FAAH: variants seen among roughly 807,000 people sequenced by gnomAD.
FAAH encodes fatty acid amide hydrolase, also known as fatty-acid amide hydrolase 1.
FAAH carries 63 observed loss-of-function variants against 69.7 expected under a neutral mutation model. That is an observed-to-expected ratio of 0.90 (90% CI 0.74 to 1.12). FAAH has a LOEUF of 1.12. Ranked by LOEUF, FAAH falls within the 50% of genes most tolerant of loss-of-function variation. The pLI is 0.00. For synonymous variants in FAAH, 305 were observed against 324.2 expected, an observed-to-expected ratio of 0.94 and a Z score of 0.64; for missense variants, 680 against 755.0, an observed-to-expected ratio of 0.90 and a Z score of 1.16.
At position 46,394,361 on chromosome 1, in the gene FAAH, G is replaced by A. The variant is rs753141851; in HGVS notation, c.13G>A (p.Glu5Lys). MVQY[E>K]LWAALPGASG... ...GGCTGAAGGGATCATGGTGCAGTAC[G>A]AGCTGTGGGCCGCGCTGCCTGGCGC... Residue 5 changes from glutamate (E) to lysine (K), a missense_variant, in exon 1 of 15, where the codon GAG becomes AAG. Glu to Lys is a moderately conservative substitution (Grantham distance 56). Transcript: ENST00000243167. The A allele has an allele frequency of 1.9e-6, 3 of 1,554,298 alleles. No homozygotes were observed. The African/African-American group carries it at 4.3e-5, about 22-fold the overall frequency.
intron 9 of FAAH, among the ~76,000 whole-genome samples, chr1:46,409,505 G>C (rs1664862422): frequency 1.3e-5 from 2 of 152,136 alleles, no homozygotes; most frequent in African/African-American, 2.4e-5. Flanking sequence ...CCAAGGGCAG[G>C]ATCCAGGCAG....
At chr1:46,398,567 TC>T (rs1664641077) in intron 1 of FAAH, among the ~76,000 whole-genome samples, 1 of 151,368 alleles carries the variant, frequency 6.6e-6, no homozygotes, top group Non-Finnish European at 1.5e-5. Context: ...AGAGTCTTGC[TC>T]TGTTGCCCAG....
rs201436846 is a variant in FAAH at position 46,405,180 on chromosome 1, G to T, written c.444+32G>T. ...TCTGCCTCAGCGCCAGGCCTCCATC[G>T]TCCCCTCCATCCCTGCCAGCCTGCT... On this transcript the variant is annotated intron_variant, in intron 3 of 14. Transcript: ENST00000243167. This position sits in a 1 kb window ranked among gnomAD's most constrained non-coding sequence, Gnocchi z 4.1. 1,181 of 1,613,418 alleles carry T rather than the reference G, an allele frequency of 7.3e-4. 16 individuals are homozygous for T. In the South Asian group the frequency reaches 0.011, roughly 15 times the overall value.
rs773804442 is a variant in FAAH, at chr1:46,410,762, C to T, written c.1276-52C>T. ...AGTGGCTTGGCCTGAAGAAGGTTGACGTCTGCCGTGGCCCAGAGCTGAGTC... is the reference window on the plus strand; with the variant it reads ...AGTGGCTTGGCCTGAAGAAGGTTGATGTCTGCCGTGGCCCAGAGCTGAGTC... On this transcript the variant is annotated intron_variant, in intron 10 of 14. Transcript: ENST00000243167. The surrounding 1 kb of genome is among the most constrained non-coding windows in gnomAD (Gnocchi z 4.9). 2.2e-5 allele frequency: 35 copies of T among 1,611,752 alleles called. No individual in the cohort carries two copies. The East Asian group carries it at 3.3e-4, about 15-fold the overall frequency.
In FAAH at chr1:46,413,202, G is replaced by C; in HGVS notation, c.1593G>C (p.Trp531Cys). 1 of 1,614,118 alleles carries C rather than the reference G, an allele frequency of 6.2e-7. No individual in the cohort carries two copies. The highest frequency in any genetic ancestry group is 8.5e-7 in the Non-Finnish European group (1 of 1,180,014). The part of the protein sequence containing the change: ...EHYRGYFGDI[W>C]DKMLQKGMKK... ...ACAGGGGCTACTTTGGGGATATCTG[G>C]GACAAGATGCTGCAGAAGGTGAGGA... The change falls in exon 14 of 15, where the codon TGG becomes TGC. Residue 531 changes from tryptophan (W) to cysteine (C), a missense_variant. By Grantham distance (215) the Trp-to-Cys change is radical. Coordinates refer to ENST00000243167, the MANE Select transcript of FAAH (RefSeq NM_001441.3).
At chr1:46,399,009 G>A (rs931119657) in intron 1 of FAAH, among the ~76,000 whole-genome samples, 12 of 152,094 alleles carry the variant, frequency 7.9e-5, no homozygotes, top group Admixed American at 5.2e-4. Context: ...CCCTGAATAA[G>A]TTTTGATATC....
At position 46,405,029 on chromosome 1, in the gene FAAH, A is replaced by G; in HGVS notation, c.325A>G (p.Lys109Glu). The stretch of plus-strand genomic sequence containing the variant: ...CCTTCCTCAGGCCTGGGAAGTGAAC[A>G]AAGGGACCAACTGTGTGACCTCCTA... ...TYVGKAWEVNKGTNCVTSYLA... is the reference protein window; with the variant it reads ...TYVGKAWEVNEGTNCVTSYLA... Residue 109 changes from lysine (K) to glutamate (E), a missense_variant, in exon 3 of 15, where the codon AAA becomes GAA. By Grantham distance (56) the Lys-to-Glu change is moderately conservative. Transcript: ENST00000243167. The surrounding 1 kb of genome is among the most constrained non-coding windows in gnomAD (Gnocchi z 4.1). The G allele has an allele frequency of 6.2e-7, 1 of 1,614,138 alleles. No individual in the cohort carries two copies. The highest frequency in any genetic ancestry group is 1.1e-5 in the South Asian group (1 of 91,086).
intron 7 of FAAH, among the ~76,000 whole-genome samples, chr1:46,407,484 G>A (rs1160079886): frequency 1.3e-5 from 2 of 152,126 alleles, no homozygotes; most frequent in Admixed American, 6.5e-5. Context: ...ATTTGGAGGA[G>A]GTGGGGGAGT....
In FAAH at chr1:46,405,331, G is replaced by T; in HGVS notation, c.445-41G>T. 1 of 1,606,170 alleles carries T rather than the reference G, an allele frequency of 6.2e-7. No homozygotes were observed. On this transcript the variant is annotated intron_variant, in intron 3 of 14. Coordinates refer to ENST00000243167, the MANE Select transcript of FAAH (RefSeq NM_001441.3). This position sits in a 1 kb window ranked among gnomAD's most constrained non-coding sequence, Gnocchi z 4.1. ...GGAGTGGACCCTTGGCTGCCCACGG[G>T]CCCTGACTCACTCCCTTCTGGTGCC... is the stretch of plus-strand genomic sequence containing the variant.
In FAAH at chr1:46,411,608, C is replaced by T. The variant is rs759118173; in HGVS notation, c.1317-4C>T. The T allele has an allele frequency of 6.2e-7, 1 of 1,614,010 alleles. No homozygotes were observed. The highest frequency in any genetic ancestry group is 8.5e-7 in the Non-Finnish European group (1 of 1,179,968). On this transcript the variant is annotated splice_region_variant and splice_polypyrimidine_tract_variant and intron_variant, in intron 11 of 14. Coordinates refer to ENST00000243167, the MANE Select transcript of FAAH (RefSeq NM_001441.3). This position sits in a 1 kb window ranked among gnomAD's most constrained non-coding sequence, Gnocchi z 4.8. The stretch of plus-strand genomic sequence containing the variant: ...TGGCTGGTGACCACACTCCTTCTGC[C>T]CAGTTCGGCTGGAAAACTCTGGGAA...
rs150222667 is a variant in FAAH at position 46,413,197 on chromosome 1, A to G, written c.1588A>G (p.Ile530Val). The change falls in exon 14 of 15, where the codon ATC (isoleucine) becomes GTC (valine). Residue 530 changes from isoleucine (I) to valine (V), a missense_variant. Ile to Val is a conservative substitution (Grantham distance 29). Transcript: ENST00000243167. The part of the protein sequence containing the change: ...MEHYRGYFGD[I>V]WDKMLQKGMK... The stretch of plus-strand genomic sequence containing the variant: ...ACATTACAGGGGCTACTTTGGGGAT[A>G]TCTGGGACAAGATGCTGCAGAAGGT... The G allele has an allele frequency of 5.6e-6, 9 of 1,614,018 alleles. No individual in the cohort carries two copies. Among genetic ancestry groups the G allele is most frequent in the Non-Finnish European group, 5.1e-6 (6 of 1,180,020 alleles).
At position 46,405,695 on chromosome 1, in the gene FAAH, G is replaced by A; in HGVS notation, c.686G>A (p.Gly229Asp). 1 of 1,613,550 alleles carries A rather than the reference G, an allele frequency of 6.2e-7. No homozygotes were observed. The highest frequency in any genetic ancestry group is 8.5e-7 in the Non-Finnish European group (1 of 1,180,034). Reference protein sequence around the residue: ...GGEGALIGSGGSPLGLGTDIG... With the variant: ...GGEGALIGSGDSPLGLGTDIG... Reference sequence around the variant, plus strand: ...GAAGGGGCCCTCATCGGGTCTGGAGGCTCCCCCCTGGGCTTAGGCACTGAT... The same window carrying A: ...GAAGGGGCCCTCATCGGGTCTGGAGACTCCCCCCTGGGCTTAGGCACTGAT... Residue 229 changes from glycine to aspartate, a missense_variant, in exon 5 of 15, where the codon GGC becomes GAC. Gly to Asp is a moderately conservative substitution (Grantham distance 94). Transcript: ENST00000243167. This position sits in a 1 kb window ranked among gnomAD's most constrained non-coding sequence, Gnocchi z 4.1.
At position 46,402,193 on chromosome 1, in the gene FAAH, TA is replaced by T. The variant is rs1557757834; in HGVS notation, c.299del (p.Tyr100LeufsTer8). ...ELAPEAVLFT[Y>X]VGKAWEVNKG... ...GGCCCCTGAGGCCGTGCTCTTCACC[TA>T]TGTGGGAAAGGTAAGGCCAGCCAAG... On this transcript the variant is annotated frameshift_variant, in exon 2 of 15. Transcript: ENST00000243167. LOFTEE classifies it high-confidence loss of function. The T allele has an allele frequency of 6.2e-7, 1 of 1,602,818 alleles. No homozygotes were observed. The highest frequency in any genetic ancestry group is 8.5e-7 in the Non-Finnish European group (1 of 1,174,612).
In FAAH at chr1:46,408,635, G is replaced by A. The variant is rs374174911; in HGVS notation, c.1077+51G>A. ...CTGGCATCTCCTCCCCTCACGGGAA[G>A]CCTTCCTGGTACCCATGGCTACTCC... On this transcript the variant is annotated intron_variant, in intron 8 of 14. Transcript: ENST00000243167. The A allele has an allele frequency of 1.3e-5, 21 of 1,612,942 alleles. No individual in the cohort carries two copies. The African/African-American group carries it at 1.5e-4, about 11-fold the overall frequency.
intron 9 of FAAH, 197 bp downstream of exon 9, chr1:46,409,395 G>T (rs11576941): frequency 0.3 from 180,431 of 598,906 alleles, 29,125 homozygotes; most frequent in East Asian, 0.47. Context: ...CCAGCCCGAG[G>T]GGAGGCTGGG....
intron 1 of FAAH, among the ~76,000 whole-genome samples, chr1:46,399,612 G>A (rs1448833402): frequency 6.6e-6 from 1 of 152,220 alleles, no homozygotes; most frequent in African/African-American, 2.4e-5. Context: ...GGACTGTCAG[G>A]TGGCAGTTAT....
chr1:46,403,588 C>T (rs1017917001), intron 2 of FAAH, among the ~76,000 whole-genome samples: 1 of 152,256 alleles, frequency 6.6e-6, no homozygotes, highest in Non-Finnish European at 1.5e-5. Context: ...CCTTCTGGAG[C>T]TTGGGTGTCA....
rs1399413937 is a variant in FAAH at position 46,413,505 on chromosome 1, A to C, written c.1670A>C (p.Gln557Pro). Residue 557 changes from glutamine (Q) to proline (P), a missense_variant, in exon 15 of 15, where the codon CAA (glutamine) becomes CCA (proline). Gln to Pro is a moderately conservative substitution (Grantham distance 76). Transcript: ENST00000243167. ...VAVQCVALPW[Q>P]EELCLRFMRE... ...GTGCAGTGTGTGGCTCTGCCCTGGC[A>C]AGAAGAGTTGTGTCTGCGGTTCATG... 6.2e-7 allele frequency: 1 copy of C among 1,614,090 alleles called. No individual in the cohort carries two copies. The highest frequency in any genetic ancestry group is 1.6e-4 in the Middle Eastern group (1 of 6,062).
Position 46,411,522 on chromosome 1 carries a change from G to T in FAAH, c.1317-90G>T. On this transcript the variant is annotated intron_variant, in intron 11 of 14. Coordinates refer to ENST00000243167, the MANE Select transcript of FAAH (RefSeq NM_001441.3). This position sits in a 1 kb window ranked among gnomAD's most constrained non-coding sequence, Gnocchi z 4.8. ...GGTTGTGAAGGGTCCACGGAGGGGT[G>T]AGATCTAGAGGGTTGGCAGTAGGGG... The T allele has an allele frequency of 7.2e-7, 1 of 1,389,028 alleles. No homozygotes were observed. The highest frequency in any genetic ancestry group is 1.2e-5 in the South Asian group (1 of 82,816). The allele number at this position is 1,389,028 out of a possible 1,614,324, so 86.0% of individuals were successfully genotyped here. A position where few individuals can be genotyped will look rare whatever the true frequency, so the allele number is the denominator to read the frequency against.
Sources: allele counts gnomAD v4.1 joint callset (sites outside exome capture counted in the v4.1 genomes callset), GRCh38; gene constraint gnomAD v4.1.1; non-coding constraint Gnocchi (gnomAD v3.1); transcripts MANE v1.5; gene names NCBI Gene and HGNC (gene_info 2026-07-23, HGNC 2026-07-21).